CANX: variants seen among roughly 807,000 people sequenced by gnomAD.
CANX encodes epididymis secretory sperm binding protein.
CANX carries 14 observed loss-of-function variants against 75.7 expected under a neutral mutation model. The ratio of observed to expected loss-of-function variants is 0.19; its 90% CI spans 0.12 to 0.29. The LOEUF is 0.29. CANX is among the 10% of genes least tolerant of loss of function. CANX has a pLI of 1.00. For missense variants in CANX, 567 were observed against 713.2 expected, an observed-to-expected ratio of 0.79 and a Z score of 2.34; for synonymous variants, 227 against 236.9, an observed-to-expected ratio of 0.96 and a Z score of 0.38.
At chr5:179,696,911 C>T (rs531116779), upstream of CANX, among the ~76,000 whole-genome samples, 12 of 151,540 alleles carry the variant, frequency 7.9e-5, no homozygotes, top group Non-Finnish European at 1.5e-4. Flanking sequence ...TCCAACAGCA[C>T]GTACTCACTT....
At chr5:179,696,322 C>G (rs946977593), upstream of CANX, among the ~76,000 whole-genome samples, 1 of 121,572 alleles carries the variant, frequency 8.2e-6, no homozygotes, top group African/African-American at 3.1e-5. Flanking sequence ...GTCACCCAAG[C>G]TAGAGTGCAG....
chr5:179,720,436 C>A lies in CANX; in HGVS notation c.1058C>A (p.Pro353His). The stretch of plus-strand genomic sequence containing the variant: ...GACATGGATGGAGAATGGGAGGCTC[C>A]TCAGATTGCCAACCCTAGATGTGAG... ...DEDMDGEWEA[P>H]QIANPRCESA... The change falls in exon 10 of 15, where the codon CCT becomes CAT. Residue 353 changes from proline to histidine, a missense_variant. This residue lies in a region of CANX where 351 missense variants were observed against 433.8 expected (regional missense o/e 0.81). Transcript: ENST00000247461. The A allele has an allele frequency of 6.2e-7, 1 of 1,614,040 alleles. No homozygotes were observed.
At chr5:179,721,147 G>A (rs1478929701) in intron 10 of CANX, among the ~76,000 whole-genome samples, 2 of 151,926 alleles carry the variant, frequency 1.3e-5, no homozygotes, top group African/African-American at 2.4e-5. Flanking sequence ...GCTCAGTCTC[G>A]GCACACTGCC....
upstream of CANX, among the ~76,000 whole-genome samples, chr5:179,698,146 T>G (rs1420095203): frequency 6.6e-6 from 1 of 152,194 alleles, no homozygotes; most frequent in Non-Finnish European, 1.5e-5. Flanking sequence ...CTCAGCATAC[T>G]GAAAACTGAA....
intron 7 of CANX, 71 bp from the exon 8 acceptor site, chr5:179,716,034 G>T: frequency 8.8e-7 from 1 of 1,132,670 alleles, no homozygotes; most frequent in South Asian, 1.3e-5. Context: ...TAGAAGTCAT[G>T]ATCTTTTGTA....
intron 7 of CANX, among the ~76,000 whole-genome samples, chr5:179,714,772 C>T (rs1777817816): frequency 6.6e-6 from 1 of 152,118 alleles, no homozygotes; most frequent in South Asian, 2.1e-4. Context: ...CCGTCTCGGC[C>T]TCCCAAAGTG....
At chr5:179,686,426 C>G (rs1191953316) in intron 1 of CANX, among the ~76,000 whole-genome samples, 3 of 147,574 alleles carry the variant, frequency 2.0e-5, no homozygotes, top group Non-Finnish European at 4.5e-5. Context: ...TGGTTCAAGT[C>G]TTTTTGCCTA....
chr5:179,682,171 G>C (rs1394215966), intron 1 of CANX, among the ~76,000 whole-genome samples: 1 of 150,390 alleles, frequency 6.6e-6, no homozygotes, highest in South Asian at 2.1e-4. Flanking sequence ...AGAATTGCTT[G>C]AACCTGGGAG....
chr5:179,712,785 G>A, intron 7 of CANX, among the ~76,000 whole-genome samples: 1 of 151,444 alleles, frequency 6.6e-6, no homozygotes, highest in African/African-American at 2.4e-5. Flanking sequence ...GTGCAGTGGC[G>A]TGATCTTGGC....
At chr5:179,713,383 T>G (rs1777712833) in intron 7 of CANX, among the ~76,000 whole-genome samples, 2 of 152,214 alleles carry the variant, frequency 1.3e-5, no homozygotes, top group South Asian at 4.1e-4. Flanking sequence ...AACCTTTTTT[T>G]GTTATTTCCA....
chr5:179,702,952 A>G (rs1027963280), intron 1 of CANX, among the ~76,000 whole-genome samples: 21 of 151,952 alleles, frequency 1.4e-4, no homozygotes, highest in African/African-American at 4.8e-4. Context: ...TGTTTTTAGT[A>G]GAGACAGGGT....
chr5:179,698,677 C>G (rs17079630), upstream of CANX: 191,939 of 1,066,020 alleles, frequency 0.18, 17,534 homozygotes, highest in East Asian at 0.27. Flanking sequence ...GCCTGTTAAA[C>G]CAGCCCCGCC....
exon 1 of CANX, chr5:179,678,678 C>T (rs1456094650): frequency 3.3e-6 from 5 of 1,535,906 alleles, no homozygotes; most frequent in Non-Finnish European, 4.4e-6. Context: ...CGCGCCGCAG[C>T]CGTCGGGATC....
intron 8 of CANX, among the ~76,000 whole-genome samples, chr5:179,717,276 G>T (rs192064542): frequency 4.6e-5 from 7 of 152,230 alleles, no homozygotes; most frequent in Admixed American, 2.0e-4. Context: ...TATATTTGGT[G>T]TATATTAGAT....
At position 179,705,847 on chromosome 5, in the gene CANX, C is replaced by G; in HGVS notation, c.166C>G (p.Pro56Ala). Residue 56 changes from proline to alanine, a missense_variant, in exon 2 of 15, where the codon CCC becomes GCC. Pro to Ala is a conservative substitution (Grantham distance 27). This residue lies in a region of CANX where 351 missense variants were observed against 433.8 expected (regional missense o/e 0.81). Coordinates refer to ENST00000247461, the MANE Select transcript of CANX (RefSeq NM_001746.4). Reference protein sequence around the residue: ...KPDTTAPPSSPKVTYKAPVPT... With the variant: ...KPDTTAPPSSAKVTYKAPVPT... Reference sequence around the variant, plus strand: ...AGATACCACTGCTCCTCCTTCATCTCCCAAGGTTTGAAATGGTCTTTGAAT... The same window carrying G: ...AGATACCACTGCTCCTCCTTCATCTGCCAAGGTTTGAAATGGTCTTTGAAT... The G allele has an allele frequency of 6.2e-7, 1 of 1,612,856 alleles. No homozygotes were observed. The highest frequency in any genetic ancestry group is 1.1e-5 in the South Asian group (1 of 90,998).
chr5:179,720,467 T>A lies in CANX; in HGVS notation c.1089T>A (p.Ala363=). 6.2e-7 allele frequency: 1 copy of A among 1,613,932 alleles called. No homozygotes were observed. The highest frequency in any genetic ancestry group is 8.5e-7 in the Non-Finnish European group (1 of 1,179,810). ...TTGCCAACCCTAGATGTGAGTCAGC[T>A]CCTGGATGTGGTGTCTGGCAGCGAC... ...PQIANPRCES[A]PGCGVWQRPV... is the part of the protein sequence containing the mutation. Residue 363 remains alanine, a synonymous_variant, in exon 10 of 15, where the codon GCT becomes GCA. Coordinates refer to ENST00000247461, the MANE Select transcript of CANX (RefSeq NM_001746.4).
At position 179,728,765 on chromosome 5, in the gene CANX, C is replaced by T. The variant is rs1433157006; in HGVS notation, c.*121C>T. 2 of 731,338 alleles carry T rather than the reference C, an allele frequency of 2.7e-6. No individual in the cohort carries two copies. Among genetic ancestry groups the T allele is most frequent in the Admixed American group, 4.0e-5 (2 of 50,542 alleles). The allele number at this position is 731,338 out of a possible 1,614,324, so 45.3% of individuals were successfully genotyped here. ...GAAAACTTCAAGACATCACCATCAG[C>T]AGGCTCCAGTTGAACACTAGTCTGT... On this transcript the variant is annotated 3_prime_UTR_variant, in exon 15 of 15. Coordinates refer to ENST00000247461, the MANE Select transcript of CANX (RefSeq NM_001746.4).
Position 179,709,380 on chromosome 5 carries a change from C to T in CANX, c.528+321C>T, listed in dbSNP as rs978635724. On this transcript the variant is annotated intron_variant, in intron 6 of 14. Coordinates refer to ENST00000247461, the MANE Select transcript of CANX (RefSeq NM_001746.4). ...AGTGAGCCGAGATTGCGCCACTGCA[C>T]TCCAGCCTGGGCGACAGAGCGAGAC... Among the ~76,000 whole-genome samples, 5 of 151,672 alleles carry T rather than the reference C, an allele frequency of 3.3e-5. No individual in the cohort carries two copies. The East Asian group carries it at 7.7e-4, about 23-fold the overall frequency.
In CANX at chr5:179,724,758, G is replaced by T; in HGVS notation, c.1620G>T (p.Glu540Asp). 2 of 1,608,156 alleles carry T rather than the reference G, an allele frequency of 1.2e-6. No homozygotes were observed. Among genetic ancestry groups the T allele is most frequent in the South Asian group, 2.2e-5 (2 of 90,714 alleles). ...EKEEEKDKGD[E>D]EEEGEEKLEE... ...AAGAGGAAAAGGACAAGGGAGATGA[G>T]GAGGAGGAAGGAGAAGAGAAACTTG... is the stretch of plus-strand genomic sequence containing the variant. The change falls in exon 13 of 15, where the codon GAG becomes GAT. Residue 540 changes from glutamate to aspartate, a missense_variant. Physicochemically the swap from Glu to Asp is conservative, Grantham distance 45 (BLOSUM62 2). Coordinates refer to ENST00000247461, the MANE Select transcript of CANX (RefSeq NM_001746.4).
Sources: allele counts gnomAD v4.1 joint callset (sites outside exome capture counted in the v4.1 genomes callset), GRCh38; gene constraint gnomAD v4.1.1; regional missense constraint gnomAD v4.1.1; transcripts MANE v1.5; gene names NCBI Gene and HGNC (gene_info 2026-07-23, HGNC 2026-07-21).